Variants in SYN3 observed in about 807,000 individuals in gnomAD.
SYN3 encodes synapsin III.
Under a neutral mutation model 65.8 loss-of-function variants are expected in SYN3, and 35 were observed. The observed-to-expected ratio is 0.53, with a 90% CI of 0.41 to 0.70. The LOEUF (loss-of-function observed/expected upper bound fraction) is 0.70. Among genes scored for constraint, SYN3 ranks in the 30% least tolerant of loss-of-function variants. The pLI is 0.00. For missense variants in SYN3, 680 were observed against 749.0 expected (o/e 0.91, Z 1.08); for synonymous variants, 270 against 292.9 (o/e 0.92, Z 0.80).
chr22:32,878,523 G>C (rs1181384137), intron 4 of SYN3, among the ~76,000 whole-genome samples: 1 of 152,116 alleles, frequency 6.6e-6, no homozygotes, highest in Non-Finnish European at 1.5e-5. Context: ...CCATACTTCT[G>C]AGTGTTGAGT....
chr22:32,990,599 A>G (rs2052686070), intron 2 of SYN3, among the ~76,000 whole-genome samples: 1 of 152,160 alleles, frequency 6.6e-6, no homozygotes, highest in Admixed American at 6.5e-5. Flanking sequence ...CCCCCTTGCC[A>G]TCCTGGTTTT....
intron 6 of SYN3, among the ~76,000 whole-genome samples, chr22:32,821,817 TC>T (rs1030452263): frequency 6.6e-6 from 1 of 152,114 alleles, no homozygotes; most frequent in Non-Finnish European, 1.5e-5. Flanking sequence ...GCCTCATGGT[TC>T]CCCCGTCACT....
chr22:32,935,166 T>C (rs1186753603), intron 3 of SYN3, among the ~76,000 whole-genome samples: 1 of 152,164 alleles, frequency 6.6e-6, no homozygotes, highest in Admixed American at 6.5e-5. Context: ...AATTTCAGTA[T>C]CATATTCAAA....
intron 6 of SYN3, among the ~76,000 whole-genome samples, chr22:32,599,398 T>C (rs142896923): frequency 6.6e-6 from 1 of 151,692 alleles, no homozygotes. Context: ...CTCGGCTCAG[T>C]GCAAGCTCCG....
At chr22:32,621,985 C>T (rs577339150) in intron 6 of SYN3, among the ~76,000 whole-genome samples, 1 of 151,944 alleles carries the variant, frequency 6.6e-6, no homozygotes, top group Admixed American at 6.6e-5. Context: ...CCTGATATAA[C>T]TCTTCTGCTT....
In SYN3 at chr22:32,518,179, TGGATGCCCG is replaced by T; in HGVS notation, c.1465_1473del (p.Arg489_Ser491del). 1 of 1,613,822 alleles carries T rather than the reference TGGATGCCCG, an allele frequency of 6.2e-7. No homozygotes were observed. The highest frequency in any genetic ancestry group is 1.3e-5 in the African/African-American group (1 of 75,006). On this transcript the variant is annotated inframe_deletion, in exon 13 of 14. Transcript: ENST00000358763. ...GAGGCCTGGTTTGGGGAGCTGCCAC[TGGATGCCCG>T]GGATAGCTGCGGAGAGCCTGGTGAC...
At chr22:32,734,709 C>A (rs755077352) in intron 6 of SYN3, among the ~76,000 whole-genome samples, 1 of 152,146 alleles carries the variant, frequency 6.6e-6, no homozygotes, top group African/African-American at 2.4e-5. Context: ...TAGGACATTC[C>A]TGGGTTTATT....
In SYN3 at chr22:32,516,350, T is replaced by TTGATTG. The variant is rs1568993991; in HGVS notation, c.1610+1692_1610+1693insCAATCA. Among the ~76,000 whole-genome samples, 221 of 135,390 alleles carry TTGATTG rather than the reference T, an allele frequency of 1.6e-3. 1 individual carries two copies. The highest frequency in any genetic ancestry group is 6.8e-3 in the African/African-American group (194 of 28,324). 88.8% of individuals were successfully genotyped at this position (135,390 alleles called of 152,430 possible). On this transcript the variant is annotated intron_variant, in intron 13 of 13. Transcript: ENST00000358763. ...GGCTTTTCAACATACATCTTTGATT[T>TTGATTG]ATTTATTTATTTATTTATTTATTTA... is the stretch of plus-strand genomic sequence containing the variant.
At chr22:32,776,088 C>G (rs1214105516) in intron 6 of SYN3, among the ~76,000 whole-genome samples, 4 of 152,134 alleles carry the variant, frequency 2.6e-5, no homozygotes, top group Non-Finnish European at 5.9e-5. Flanking sequence ...GGTGCCCTCA[C>G]AGAGGACGAG....
chr22:32,631,344 G>A (rs2059746025), intron 6 of SYN3, among the ~76,000 whole-genome samples: 1 of 151,408 alleles, frequency 6.6e-6, no homozygotes, highest in African/African-American at 2.4e-5. Context: ...AACCTGCAGA[G>A]GCCAGATGAT....
At chr22:32,930,888 T>C (rs1479103002) in intron 4 of SYN3, 3 of 153,206 alleles carry the variant, frequency 2.0e-5, no homozygotes, top group Non-Finnish European at 4.4e-5. Context: ...ACATATTATA[T>C]ATCTAGTGCT....
intron 6 of SYN3, among the ~76,000 whole-genome samples, chr22:32,850,223 T>C (rs2048180869): frequency 6.6e-6 from 1 of 151,684 alleles, no homozygotes; most frequent in Non-Finnish European, 1.5e-5. Flanking sequence ...AGATTTGAAA[T>C]CTAGAGAACC....
At position 32,984,174 on chromosome 22, in the gene SYN3, A is replaced by G. The variant is rs1379381415; in HGVS notation, c.312-3472T>C. Among the ~76,000 whole-genome samples, 18 of 142,374 alleles carry G rather than the reference A, an allele frequency of 1.3e-4. 1 individual carries two copies. Among genetic ancestry groups the G allele is most frequent in the Admixed American group, 5.2e-4 (7 of 13,538 alleles). 93.4% of individuals were successfully genotyped at this position (142,374 alleles called of 152,430 possible). A position where few individuals can be genotyped will look rare whatever the true frequency, so the allele number is the denominator to read the frequency against. On this transcript the variant is annotated intron_variant, in intron 2 of 13. Coordinates refer to ENST00000358763, the MANE Select transcript of SYN3 (RefSeq NM_003490.4). The stretch of plus-strand genomic sequence containing the variant: ...TGAAACTCCATCCAAAAAAAAAAAA[A>G]AAAAAGAAAAAGAAAAAGAAAAGAA...
chr22:33,032,504 C>CAA (rs111721615), intron 1 of SYN3, among the ~76,000 whole-genome samples: 1 of 132,450 alleles, frequency 7.6e-6, no homozygotes. Context: ...GACTCCATCT[C>CAA]AAAAAAAAAA....
intron 12 of SYN3, 165 bp downstream of exon 12, chr22:32,527,753 G>A: frequency 1.7e-6 from 1 of 590,034 alleles, no homozygotes; most frequent in South Asian, 2.3e-5. Flanking sequence ...CTCCTTTCTT[G>A]ACTTTTTAAA....
chr22:33,024,900 C>G (rs889625994), intron 1 of SYN3, among the ~76,000 whole-genome samples: 1 of 152,158 alleles, frequency 6.6e-6, no homozygotes, highest in Non-Finnish European at 1.5e-5. Context: ...TTACTGCAGT[C>G]CTAAAGAATG....
chr22:32,761,853 C>A (rs1174228363), intron 6 of SYN3, among the ~76,000 whole-genome samples: 1 of 152,122 alleles, frequency 6.6e-6, no homozygotes, highest in Non-Finnish European at 1.5e-5. Context: ...TGAGGTTTTG[C>A]CTGGTGGAAT....
Position 32,969,273 on chromosome 22 carries a change from G to T in SYN3, c.369+11372C>A, listed in dbSNP as rs1399083366. On this transcript the variant is annotated intron_variant, in intron 3 of 13. Coordinates refer to ENST00000358763, the MANE Select transcript of SYN3 (RefSeq NM_003490.4). The stretch of plus-strand genomic sequence containing the variant: ...TGTACTCTCCTCCAGCAGAAAAGAA[G>T]AGGAGAGTCTAAAGGGTCATGCAAC... Among the ~76,000 whole-genome samples the T allele has an allele frequency of 2.6e-5, 4 of 152,158 alleles. No homozygotes were observed. The East Asian group carries it at 5.8e-4, about 22-fold the overall frequency.
At chr22:32,611,015 C>T (rs2059434880) in intron 6 of SYN3, among the ~76,000 whole-genome samples, 1 of 152,146 alleles carries the variant, frequency 6.6e-6, no homozygotes, top group Non-Finnish European at 1.5e-5. Flanking sequence ...TATGTATTTC[C>T]AGTGATTGCA....
Sources: gnomAD v4.1 joint callset for allele counts (sites outside exome capture counted in the v4.1 genomes callset) on GRCh38, gnomAD v4.1.1 for gene constraint, MANE v1.5 for transcripts, NCBI Gene and HGNC (gene_info 2026-07-23, HGNC 2026-07-21) for gene names.